The following UPF3A variants were observed in gnomAD, a reference collection of about 807,000 sequenced individuals.
UPF3A encodes the protein regulator of nonsense transcripts 3A.
A neutral mutation model predicts 53.5 loss-of-function variants in UPF3A; 42 were observed. That is an observed-to-expected ratio of 0.78 (90% CI 0.61 to 1.01). The LOEUF (loss-of-function observed/expected upper bound fraction) is 1.01. UPF3A is among the 50% of genes least tolerant of loss of function. The pLI, the probability that UPF3A is intolerant of heterozygous loss-of-function variation, is 0.00. For missense variants in UPF3A, 575 were observed against 598.0 expected (o/e 0.96, Z 0.40); for synonymous variants, 237 against 225.3 (o/e 1.05, Z -0.47).
intron 5 of UPF3A, among the ~76,000 whole-genome samples, chr13:114,288,759 C>T (rs941938377): frequency 2.6e-5 from 4 of 152,126 alleles, no homozygotes; most frequent in Admixed American, 6.6e-5. Context: ...AGAATTAAGA[C>T]TCCAGTGCTT....
At chr13:114,302,720 G>A (rs1201692217) in intron 9 of UPF3A, among the ~76,000 whole-genome samples, 1 of 152,220 alleles carries the variant, frequency 6.6e-6, no homozygotes, top group East Asian at 1.9e-4. Flanking sequence ...CACAGTATGT[G>A]AGCTTTGAGA....
intron 7 of UPF3A, among the ~76,000 whole-genome samples, chr13:114,293,071 C>CAAAAA (rs1164617444): frequency 2.0e-5 from 1 of 49,606 alleles, no homozygotes; most frequent in African/African-American, 7.3e-5. Flanking sequence ...GACTCCCTCT[C>CAAAAA]AAAAAAAAAA....
At chr13:114,294,275 G>T (rs1228353051) in intron 7 of UPF3A, among the ~76,000 whole-genome samples, 4 of 142,438 alleles carry the variant, frequency 2.8e-5, no homozygotes, top group Non-Finnish European at 6.0e-5. Context: ...GGTTTTGGTG[G>T]GGGGGGGGTT....
chr13:114,291,444 C>A, intron 5 of UPF3A, 45 bp from the exon 6 acceptor site: 1 of 1,481,060 alleles, frequency 6.8e-7, no homozygotes. Context: ...TAAAATACAT[C>A]TTTCTTTAGG....
chr13:114,303,954 C>A (rs2086819026), intron 9 of UPF3A, among the ~76,000 whole-genome samples: 2 of 152,202 alleles, frequency 1.3e-5, no homozygotes, highest in Non-Finnish European at 1.5e-5. Context: ...CACACACAGT[C>A]CAGGAGGAGG....
chr13:114,287,546 G>C (rs554889775), intron 5 of UPF3A: 2 of 152,208 alleles, frequency 1.3e-5, no homozygotes, highest in Non-Finnish European at 2.9e-5. Context: ...AGCTGAGATC[G>C]CACCACTGCA....
intron 8 of UPF3A, among the ~76,000 whole-genome samples, chr13:114,300,467 G>A (rs969885941): frequency 6.6e-6 from 1 of 152,040 alleles, no homozygotes; most frequent in Non-Finnish European, 1.5e-5. Context: ...CGCCTCCCAG[G>A]TTTAAGCAAT....
chr13:114,293,255 G>A (rs955603718), intron 7 of UPF3A, among the ~76,000 whole-genome samples: 7 of 149,572 alleles, frequency 4.7e-5, no homozygotes, highest in African/African-American at 1.7e-4. Context: ...GTGGTGGCGT[G>A]TGCCTGGAAT....
In UPF3A at chr13:114,286,367, A is replaced by G. The variant is rs781046348; in HGVS notation, c.487A>G (p.Lys163Glu). The G allele has an allele frequency of 9.3e-6, 15 of 1,614,244 alleles. No homozygotes were observed. In the South Asian group the frequency reaches 1.5e-4, roughly 17 times the overall value. Residue 163 changes from lysine to glutamate, a missense_variant, in exon 4 of 10, where the codon AAA becomes GAA. Physicochemically the swap from Lys to Glu is moderately conservative, Grantham distance 56 (BLOSUM62 1). Around this residue, in one of 2 missense-constraint regions of UPF3A, gnomAD observed 323 missense variants for 415.2 expected, o/e 0.78. Coordinates refer to ENST00000375299, the MANE Select transcript of UPF3A (RefSeq NM_023011.4). ...GAAGATAGCCAAAAAGAAGCTGAGA[A>G]AAAAAGATGCCAAGACTGGAAGCAT... is the stretch of plus-strand genomic sequence containing the variant. The part of the protein sequence containing the change: ...FQKIAKKKLR[K>E]KDAKTGSIED...
At chr13:114,302,312 A>G (rs1237223664) in intron 9 of UPF3A, among the ~76,000 whole-genome samples, 2 of 152,206 alleles carry the variant, frequency 1.3e-5, no homozygotes, top group Non-Finnish European at 2.9e-5. Flanking sequence ...TACCCTTGAG[A>G]CAGGAAGGAA....
rs200728824 is a variant in UPF3A at position 114,301,842 on chromosome 13, C to T, written c.1119C>T (p.His373=). The change falls in exon 9 of 10, where the codon CAC becomes CAT. Residue 373 remains histidine, a synonymous_variant. Transcript: ENST00000375299. ...VDDGRRHRAH[H]EPERLSRRSE... is the part of the protein sequence containing the mutation. ...ACGGCAGGAGGCACAGAGCTCACCA[C>T]GAGCCTGAACGGCTTTCCAGAAGGA... The T allele has an allele frequency of 1.1e-5, 17 of 1,613,370 alleles. No homozygotes were observed. The highest frequency in any genetic ancestry group is 1.7e-4 in the Middle Eastern group (1 of 5,870).
intron 7 of UPF3A, among the ~76,000 whole-genome samples, chr13:114,292,090 C>CT (rs745358460): frequency 0.029 from 3,903 of 133,680 alleles, 178 homozygotes; most frequent in African/African-American, 0.096. Flanking sequence ...TGCTGACGCT[C>CT]TTTTTTTTTT....
chr13:114,293,105 C>T (rs140184712), intron 7 of UPF3A, among the ~76,000 whole-genome samples: 18,183 of 144,080 alleles, frequency 0.13, 1,502 homozygotes, highest in East Asian at 0.39. Flanking sequence ...ATTTCCTGGC[C>T]GGGTGGGGTG....
Position 114,301,716 on chromosome 13 carries a change from T to C in UPF3A, c.1008-15T>C, listed in dbSNP as rs1381668819. On this transcript the variant is annotated splice_polypyrimidine_tract_variant and intron_variant, in intron 8 of 9. Transcript: ENST00000375299. ...CGGTTTACTGCAGTTGCTGATCATT[T>C]GTGTTGAATCATAGGTCACACAGCG... 6.3e-7 allele frequency: 1 copy of C among 1,598,150 alleles called. No homozygotes were observed. The highest frequency in any genetic ancestry group is 1.7e-5 in the Admixed American group (1 of 58,632).
At chr13:114,295,846 C>T (rs2085931437) in intron 7 of UPF3A, among the ~76,000 whole-genome samples, 1 of 152,156 alleles carries the variant, frequency 6.6e-6, no homozygotes, top group African/African-American at 2.4e-5. Context: ...CACAGCTCCT[C>T]AGACCTCGGG....
rs1566773627 is a variant in UPF3A, at chr13:114,301,928, A to G, written c.1205A>G (p.Gln402Arg). 1 of 1,610,806 alleles carries G rather than the reference A, an allele frequency of 6.2e-7. No homozygotes were observed. Among genetic ancestry groups the G allele is most frequent in the African/African-American group, 1.3e-5 (1 of 74,992 alleles). The change falls in exon 9 of 10, where the codon CAG (glutamine) becomes CGG (arginine). Residue 402 changes from glutamine (Q) to arginine (R), a missense_variant. By Grantham distance (43) the Gln-to-Arg change is conservative. This residue lies in a region of UPF3A where 323 missense variants were observed against 415.2 expected (regional missense o/e 0.78). Coordinates refer to ENST00000375299, the MANE Select transcript of UPF3A (RefSeq NM_023011.4). ...CAAGACAGAGGGAAGAAGGGGAGCCAGGACAGCGGGGCTCCGGGGGAGGCC... is the reference window on the plus strand; with the variant it reads ...CAAGACAGAGGGAAGAAGGGGAGCCGGGACAGCGGGGCTCCGGGGGAGGCC... ...PGQDRGKKGS[Q>R]DSGAPGEAME... is the part of the protein sequence containing the mutation.
intron 7 of UPF3A, among the ~76,000 whole-genome samples, chr13:114,294,831 G>A: frequency 7.7e-6 from 1 of 129,630 alleles, no homozygotes; most frequent in African/African-American, 3.0e-5. Context: ...TCTCAAAAAG[G>A]CTGGACCGCG....
At chr13:114,300,360 ATTATT>A (rs942798002) in intron 8 of UPF3A, among the ~76,000 whole-genome samples, 2 of 151,886 alleles carry the variant, frequency 1.3e-5, no homozygotes, top group African/African-American at 4.8e-5. Context: ...ATTTTGTTTT[ATTATT>A]TTATTTTATT....
intron 7 of UPF3A, among the ~76,000 whole-genome samples, chr13:114,295,502 G>A (rs1248942832): frequency 6.6e-6 from 1 of 152,170 alleles, no homozygotes; most frequent in Non-Finnish European, 1.5e-5. Context: ...CCTCCACAGG[G>A]ACTTCCCCAG....
Sources: gnomAD v4.1 joint callset for allele counts (sites outside exome capture counted in the v4.1 genomes callset) on GRCh38, gnomAD v4.1.1 for gene constraint, gnomAD v4.1.1 regional missense constraint, MANE v1.5 for transcripts, NCBI Gene and HGNC (gene_info 2026-07-23, HGNC 2026-07-21) for gene names.